The following ATP8A2 variants were observed in gnomAD, a reference collection of about 807,000 sequenced individuals.
ATP8A2 encodes the protein phospholipid-transporting ATPase IB.
A neutral mutation model predicts 165.6 loss-of-function variants in ATP8A2; 100 were observed. The observed-to-expected ratio is 0.60, with a 90% CI of 0.51 to 0.71. ATP8A2 has a LOEUF of 0.71. ATP8A2 is among the 30% of genes least tolerant of loss of function. The pLI is 0.00. For synonymous variants in ATP8A2, 543 were observed against 548.8 expected (o/e 0.99, Z 0.15); for missense variants, 1,227 against 1,479.5 (o/e 0.83, Z 2.80).
chr13:25,730,556 ACACT>A (rs2043598318), intron 25 of ATP8A2, among the ~76,000 whole-genome samples: 1 of 152,186 alleles, frequency 6.6e-6, no homozygotes, highest in Non-Finnish European at 1.5e-5. Context: ...GATATCTGTC[ACACT>A]CACAAGTAGT....
intron 1 of ATP8A2, among the ~76,000 whole-genome samples, chr13:25,402,759 G>A (rs1349094902): frequency 2.0e-5 from 3 of 152,176 alleles, no homozygotes; most frequent in Non-Finnish European, 4.4e-5. Flanking sequence ...CCTTATGAAA[G>A]GGCTTGAGGC....
chr13:25,919,421 G>A (rs550190893), intron 33 of ATP8A2, among the ~76,000 whole-genome samples: 5 of 152,236 alleles, frequency 3.3e-5, no homozygotes, highest in East Asian at 1.9e-4. Context: ...GAGGGATTTG[G>A]GTTTTGCATT....
chr13:25,573,860 AG>A (rs1296027145), intron 18 of ATP8A2, among the ~76,000 whole-genome samples: 2 of 152,222 alleles, frequency 1.3e-5, no homozygotes, highest in Admixed American at 6.5e-5. Flanking sequence ...GTTGTTTTGT[AG>A]GATGCAAAGA....
At chr13:25,966,128 A>G (rs1373929841) in intron 34 of ATP8A2, among the ~76,000 whole-genome samples, 1 of 152,000 alleles carries the variant, frequency 6.6e-6, no homozygotes, top group Non-Finnish European at 1.5e-5. Context: ...GTATATCTGA[A>G]GACCCACAGA....
intron 35 of ATP8A2, among the ~76,000 whole-genome samples, chr13:25,984,108 G>C (rs114493686): frequency 6.6e-6 from 1 of 150,890 alleles, no homozygotes; most frequent in Admixed American, 6.6e-5. Context: ...GTGGTGGTGC[G>C]TGCATGTGGT....
intron 2 of ATP8A2, among the ~76,000 whole-genome samples, chr13:25,481,285 A>T (rs1219250839): frequency 6.6e-6 from 1 of 152,114 alleles, no homozygotes; most frequent in African/African-American, 2.4e-5. Flanking sequence ...ACATTTTCTG[A>T]TGGGACATGC....
chr13:25,777,762 G>A (rs1485499117), intron 27 of ATP8A2, among the ~76,000 whole-genome samples: 1 of 152,174 alleles, frequency 6.6e-6, no homozygotes, highest in African/African-American at 2.4e-5. Flanking sequence ...TTGTAGGGAA[G>A]AACTGTAAGC....
At chr13:25,500,050 G>A (rs1408270102) in intron 2 of ATP8A2, among the ~76,000 whole-genome samples, 1 of 152,184 alleles carries the variant, frequency 6.6e-6, no homozygotes, top group African/African-American at 2.4e-5. Context: ...AGCAAGGCGT[G>A]TGTGTCATGG....
chr13:25,784,331 G>A (rs9319240), intron 27 of ATP8A2, among the ~76,000 whole-genome samples: 3,784 of 152,160 alleles, frequency 0.025, 134 homozygotes, highest in African/African-American at 0.084. Context: ...GCTGTGCTTC[G>A]TAGCCCGGGT....
rs549111969 is a variant in ATP8A2, at chr13:25,973,735, A to C, written c.3377+5056A>C. ...ACACCTCTAAGTCAAAATCAGTCCC[A>C]CTGCCAGGCTGAGCATGTCGCTGAG... On this transcript the variant is annotated intron_variant, in intron 35 of 36. Coordinates refer to ENST00000381655, the MANE Select transcript of ATP8A2 (RefSeq NM_016529.6). Among the ~76,000 whole-genome samples the C allele has an allele frequency of 5.3e-5, 8 of 152,330 alleles. No individual in the cohort carries two copies. In the South Asian group the frequency reaches 1.7e-3, roughly 32 times the overall value.
At chr13:25,921,916 T>G (rs1404709932) in intron 33 of ATP8A2, among the ~76,000 whole-genome samples, 1 of 152,236 alleles carries the variant, frequency 6.6e-6, no homozygotes, top group Admixed American at 6.5e-5. Context: ...TCTTTTTCCT[T>G]CTATAGTTTA....
chr13:25,678,191 G>A (rs17082646), intron 24 of ATP8A2, among the ~76,000 whole-genome samples: 5,370 of 152,196 alleles, frequency 0.035, 156 homozygotes, highest in East Asian at 0.13. Flanking sequence ...AATGGATTCT[G>A]TTAAACACTT....
intron 2 of ATP8A2, among the ~76,000 whole-genome samples, chr13:25,525,274 A>G (rs1245723285): frequency 6.6e-6 from 1 of 151,922 alleles, no homozygotes; most frequent in African/African-American, 2.4e-5. Context: ...AGGTTTCTGT[A>G]TGTGTTTTCG....
chr13:25,541,044 T>C (rs2038460360), intron 8 of ATP8A2, among the ~76,000 whole-genome samples: 2 of 151,982 alleles, frequency 1.3e-5, no homozygotes, highest in African/African-American at 4.8e-5. Context: ...TATATTTTTT[T>C]AGTAGAGATG....
chr13:25,599,153 G>A (rs1431796123), intron 24 of ATP8A2, among the ~76,000 whole-genome samples: 2 of 152,032 alleles, frequency 1.3e-5, no homozygotes, highest in African/African-American at 4.8e-5. Context: ...CTGTACATGT[G>A]CATAAATTAG....
chr13:25,401,057 A>G (rs2033620569), intron 1 of ATP8A2, among the ~76,000 whole-genome samples: 1 of 152,200 alleles, frequency 6.6e-6, no homozygotes, highest in Admixed American at 6.5e-5. Flanking sequence ...CTTCATTCGT[A>G]GAATAACTGC....
intron 18 of ATP8A2, among the ~76,000 whole-genome samples, chr13:25,572,416 G>T (rs1472846803): frequency 6.6e-6 from 1 of 152,202 alleles, no homozygotes; most frequent in Admixed American, 6.5e-5. Context: ...TGGGACAGGC[G>T]TGAGCCACTG....
chr13:25,782,729 A>AGTTTT (rs1225809622), intron 27 of ATP8A2, among the ~76,000 whole-genome samples: 89 of 152,234 alleles, frequency 5.8e-4, no homozygotes, highest in Non-Finnish European at 4.4e-4. Flanking sequence ...ACACTGCATC[A>AGTTTT]GTTTTGTTTT....
intron 25 of ATP8A2, among the ~76,000 whole-genome samples, chr13:25,704,263 A>G (rs2043009626): frequency 6.6e-6 from 1 of 151,598 alleles, no homozygotes; most frequent in Non-Finnish European, 1.5e-5. Context: ...TGAGAAGACA[A>G]CTTCTGCCAT....
Sources: gnomAD v4.1 joint callset for allele counts (sites outside exome capture counted in the v4.1 genomes callset) on GRCh38, gnomAD v4.1.1 for gene constraint, MANE v1.5 for transcripts, NCBI Gene and HGNC (gene_info 2026-07-23, HGNC 2026-07-21) for gene names.